The following POM121C variants were observed in gnomAD, a reference collection of about 807,000 sequenced individuals.
The protein encoded by POM121C is POM121 transmembrane nucleoporin C.
Under a neutral mutation model 66.4 loss-of-function variants are expected in POM121C, and 20 were observed. That is an observed-to-expected ratio of 0.30 (90% CI 0.21 to 0.44). The LOEUF (loss-of-function observed/expected upper bound fraction) is 0.44. POM121C is among the 20% of genes least tolerant of loss of function. The pLI, the probability that POM121C is intolerant of heterozygous loss-of-function variation, is 1.00. For synonymous variants in POM121C, 286 were observed against 528.0 expected, an observed-to-expected ratio of 0.54 and a Z score of 6.28; for missense variants, 580 against 1,225.7, an observed-to-expected ratio of 0.47 and a Z score of 7.87.
intron 1 of POM121C, among the ~76,000 whole-genome samples, chr7:75,475,605 G>GTCT (rs1554479259): frequency 6.6e-6 from 1 of 151,168 alleles, no homozygotes; most frequent in Non-Finnish European, 1.5e-5. Context: ...TCAGTTCCTG[G>GTCT]TCTTCTTCTT....
chr7:75,473,241 C>G (rs1791940460), intron 3 of POM121C, among the ~76,000 whole-genome samples: 1 of 152,026 alleles, frequency 6.6e-6, no homozygotes, highest in Middle Eastern at 3.4e-3. Context: ...AATTTGGAGG[C>G]AAGCTGCAAA....
intron 6 of POM121C, among the ~76,000 whole-genome samples, chr7:75,438,209 C>A (rs1290591933): frequency 1.3e-5 from 2 of 152,210 alleles, no homozygotes; most frequent in African/African-American, 4.8e-5. Flanking sequence ...GGACAGTCAT[C>A]CAACCTGTTA....
chr7:75,449,882 G>C (rs1211060618), intron 3 of POM121C, among the ~76,000 whole-genome samples: 1 of 152,156 alleles, frequency 6.6e-6, no homozygotes, highest in African/African-American at 2.4e-5. Context: ...AGGCGTGGTG[G>C]CAGGTGCCTG....
At chr7:75,443,517 T>C (rs1790738270) in intron 3 of POM121C, among the ~76,000 whole-genome samples, 1 of 150,732 alleles carries the variant, frequency 6.6e-6, no homozygotes, top group Non-Finnish European at 1.5e-5. Context: ...ATTTATTCAT[T>C]CCATTGTTTA....
At chr7:75,423,906 G>A (rs1185131568) in intron 12 of POM121C, 143 bp downstream of exon 12, 8 of 1,486,838 alleles carry the variant, frequency 5.4e-6, no homozygotes, top group African/African-American at 1.4e-5. Flanking sequence ...GCTGTTAAAC[G>A]TAGGCCCGCT....
intron 1 of POM121C, among the ~76,000 whole-genome samples, chr7:75,484,022 A>C (rs1792411536): frequency 6.6e-6 from 1 of 151,992 alleles, no homozygotes; most frequent in African/African-American, 2.4e-5. Flanking sequence ...GAATCACTTG[A>C]ACCCAGGAGG....
At chr7:75,464,340 G>GT (rs1791546146) in intron 3 of POM121C, among the ~76,000 whole-genome samples, 1 of 152,262 alleles carries the variant, frequency 6.6e-6, no homozygotes, top group Non-Finnish European at 1.5e-5. Flanking sequence ...GCTCATGCCT[G>GT]TAATTCCAGC....
intron 3 of POM121C, among the ~76,000 whole-genome samples, chr7:75,460,016 T>C (rs1791392611): frequency 1.9e-5 from 2 of 107,746 alleles, no homozygotes; most frequent in South Asian, 6.2e-4. Flanking sequence ...TAGCATGGCA[T>C]ATGAAGTTAA....
Position 75,439,216 on chromosome 7 carries a change from T to A in POM121C, c.236A>T (p.Asp79Val), listed in dbSNP as rs1554473488. The part of the protein sequence containing the change: ...DGQENKRRRH[D>V]SSGSGHSAFE... ...TGCTGAATGTCCACTGCCACTGCTATCATGGCGCCTGCGACAAATCAAAAA... is the reference window on the plus strand; with the variant it reads ...TGCTGAATGTCCACTGCCACTGCTAACATGGCGCCTGCGACAAATCAAAAA... The change falls in exon 6 of 15, where the codon GAT (aspartate) becomes GTT (valine). Residue 79 changes from aspartate to valine, a missense_variant. Asp to Val is a radical substitution (Grantham distance 152). Coordinates refer to ENST00000615331, the MANE Select transcript of POM121C (RefSeq NM_001099415.3). 6.2e-7 allele frequency: 1 copy of A among 1,614,120 alleles called. No individual in the cohort carries two copies. Among genetic ancestry groups the A allele is most frequent in the Non-Finnish European group, 8.5e-7 (1 of 1,180,042 alleles).
chr7:75,465,895 CAAAAAAAAAAAAA>C (rs35108311), intron 3 of POM121C, among the ~76,000 whole-genome samples: 4 of 15,238 alleles, frequency 2.6e-4, no homozygotes, highest in East Asian at 6.3e-3. Context: ...CACCCTGTCT[CAAAAAAAAAAAAA>C]AAAAAAAAAA....
In POM121C at chr7:75,424,590, C is replaced by T. The variant is rs782037523; in HGVS notation, c.807G>A (p.Glu269=). ...PPQLGYSITA[E]DLDLEKKASL... is the part of the protein sequence containing the mutation. ...AAGCCTTCTTCTCTAAGTCTAGGTC[C>T]TCGGCAGTGATCGAATAGCCAAGCT... Residue 269 remains glutamate, a synonymous_variant, in exon 11 of 15, where the codon GAG becomes GAA. Coordinates refer to ENST00000615331, the MANE Select transcript of POM121C (RefSeq NM_001099415.3). 3.7e-6 allele frequency: 6 copies of T among 1,613,960 alleles called. No homozygotes were observed. The East Asian group carries it at 1.3e-4, about 36-fold the overall frequency.
intron 3 of POM121C, among the ~76,000 whole-genome samples, chr7:75,467,884 C>G (rs1791721263): frequency 6.6e-6 from 1 of 152,112 alleles, no homozygotes; most frequent in East Asian, 1.9e-4. Context: ...AATCCCAGCA[C>G]TTTGGGAGGC....
intron 1 of POM121C, among the ~76,000 whole-genome samples, chr7:75,478,000 CTT>C (rs1792156041): frequency 6.6e-6 from 1 of 152,116 alleles, no homozygotes; most frequent in Admixed American, 6.5e-5. Context: ...AAGTCTCGCT[CTT>C]GTCTTCCAGG....
Position 75,434,746 on chromosome 7 carries a change from C to T in POM121C, c.480+2769G>A, listed in dbSNP as rs183050614. Among the ~76,000 whole-genome samples the T allele has an allele frequency of 4.6e-3, 695 of 152,046 alleles. 7 individuals are homozygous for T. The highest frequency in any genetic ancestry group is 0.015 in the African/African-American group (603 of 41,458). Reference sequence around the variant, plus strand: ...TACAGGCGTGCACCACCATGCCCAGCTAATTTTTATATTTTTAGTAGAGAC... The same window carrying T: ...TACAGGCGTGCACCACCATGCCCAGTTAATTTTTATATTTTTAGTAGAGAC... On this transcript the variant is annotated intron_variant, in intron 7 of 14. Coordinates refer to ENST00000615331, the MANE Select transcript of POM121C (RefSeq NM_001099415.3).
Position 75,424,181 on chromosome 7 carries a change from G to A in POM121C, c.916C>T (p.Pro306Ser). 1.9e-6 allele frequency: 3 copies of A among 1,612,038 alleles called. No homozygotes were observed. Among genetic ancestry groups the A allele is most frequent in the Non-Finnish European group, 2.5e-6 (3 of 1,179,862 alleles). Residue 306 changes from proline (P) to serine (S), a missense_variant, in exon 12 of 15, where the codon CCT becomes TCT. By Grantham distance (74) the Pro-to-Ser change is moderately conservative. Transcript: ENST00000615331. ...SVTETPPTTQ[P>S]SFTFTLPAAA... ...GCAGGCAGGGTAAAGGTAAATGAAG[G>A]CTGAGTGGTAGGTGGGGTCTCAGTG...
chr7:75,441,231 T>A (rs1790635784), intron 4 of POM121C, 116 bp from the exon 5 acceptor site: 18 of 1,494,468 alleles, frequency 1.2e-5, no homozygotes, highest in Non-Finnish European at 1.5e-5. Context: ...TCACAACAGT[T>A]CCCCTTAGCA....
chr7:75,485,529 CTT>C (rs1242779038), intron 1 of POM121C, among the ~76,000 whole-genome samples: 2 of 152,146 alleles, frequency 1.3e-5, no homozygotes, highest in Non-Finnish European at 2.9e-5. Flanking sequence ...TCAGCAGACA[CTT>C]AAGTGAGAGA....
chr7:75,480,788 T>C (rs1277078989), intron 1 of POM121C, among the ~76,000 whole-genome samples: 44 of 152,024 alleles, frequency 2.9e-4, no homozygotes, highest in African/African-American at 9.2e-4. Flanking sequence ...CAATTAACAG[T>C]CCTAGACTGA....
intron 3 of POM121C, among the ~76,000 whole-genome samples, chr7:75,456,633 C>A: frequency 6.6e-6 from 1 of 152,240 alleles, no homozygotes; most frequent in Non-Finnish European, 1.5e-5. Context: ...GGTTTTACTG[C>A]CTGTTGCGAG....
Sources: gnomAD v4.1 joint callset for allele counts (sites outside exome capture counted in the v4.1 genomes callset) on GRCh38, gnomAD v4.1.1 for gene constraint, MANE v1.5 for transcripts, NCBI Gene and HGNC (gene_info 2026-07-23, HGNC 2026-07-21) for gene names.